QKI: variants seen among roughly 807,000 people sequenced by gnomAD.
The protein encoded by QKI is QKI, KH domain containing RNA binding.
QKI carries 10 observed loss-of-function variants against 39.0 expected under a neutral mutation model. The observed-to-expected ratio is 0.26, with a 90% CI of 0.16 to 0.43. The LOEUF (loss-of-function observed/expected upper bound fraction) is 0.43. Ranked by LOEUF, QKI falls within the 20% of genes least tolerant of loss-of-function variation. QKI has a pLI of 1.00. For synonymous variants in QKI, 204 were observed against 155.4 expected (o/e 1.31, Z -2.33); for missense variants, 218 against 428.0 (o/e 0.51, Z 4.33).
chr6:163,575,723 A>AT lies in QKI; in HGVS notation c.*5019dup, dbSNP rs1562564832. 1 of 152,126 alleles carries AT rather than the reference A, an allele frequency of 6.6e-6. No individual in the cohort carries two copies. Among genetic ancestry groups the AT allele is most frequent in the Non-Finnish European group, 1.5e-5 (1 of 68,024 alleles). The allele number at this position is 152,126 out of a possible 1,614,324, so 9.4% of individuals were successfully genotyped here. ...TTCTAAACACTACATAAGGATCTGAATTTTTTAGTGTGCCAAAAGCAAACG... is the reference window on the plus strand; with the variant it reads ...TTCTAAACACTACATAAGGATCTGAATTTTTTTAGTGTGCCAAAAGCAAACG... On this transcript the variant is annotated 3_prime_UTR_variant, in exon 8 of 8. Transcript: ENST00000361752.
At chr6:163,555,694 A>G (rs1157776248) in intron 4 of QKI, among the ~76,000 whole-genome samples, 1 of 152,098 alleles carries the variant, frequency 6.6e-6, no homozygotes, top group African/African-American at 2.4e-5. Context: ...GCTCATGTAA[A>G]CTGTTCAATG....
chr6:163,516,279 G>C (rs908193878), intron 3 of QKI, among the ~76,000 whole-genome samples: 3 of 151,924 alleles, frequency 2.0e-5, no homozygotes, highest in African/African-American at 7.2e-5. Context: ...AAAATGTAGA[G>C]TTTCTAAAGC....
chr6:163,416,981 C>T (rs769275358), intron 1 of QKI, among the ~76,000 whole-genome samples: 21 of 151,810 alleles, frequency 1.4e-4, no homozygotes, highest in Admixed American at 5.9e-4. Context: ...CTAAGGGGCG[C>T]CAGTTATTTT....
At chr6:163,511,109 A>G (rs1164814646) in intron 3 of QKI, among the ~76,000 whole-genome samples, 1 of 152,156 alleles carries the variant, frequency 6.6e-6, no homozygotes, top group Non-Finnish European at 1.5e-5. Context: ...AATTTCAAGT[A>G]TTTGGAAAGT....
At chr6:163,457,837 T>TA (rs1791039017) in intron 2 of QKI, among the ~76,000 whole-genome samples, 1 of 152,086 alleles carries the variant, frequency 6.6e-6, no homozygotes, top group African/African-American at 2.4e-5. Context: ...TCTATAGCTG[T>TA]AATCAGTGTT....
chr6:163,516,046 T>A (rs1013197964), intron 3 of QKI, among the ~76,000 whole-genome samples: 1 of 152,198 alleles, frequency 6.6e-6, no homozygotes, highest in Non-Finnish European at 1.5e-5. Context: ...AGAATACCTT[T>A]TGATGGGATA....
rs549825542 is a variant in QKI, at chr6:163,455,948, A to G, written c.285+527A>G. Among the ~76,000 whole-genome samples the G allele has an allele frequency of 3.3e-5, 5 of 152,256 alleles. No individual in the cohort carries two copies. The South Asian group carries it at 6.2e-4, about 19-fold the overall frequency. ...TATCTGTTAATTTCTAAATAAATCC[A>G]GATTCTTTGCTTTTTGTTACAAAGC... On this transcript the variant is annotated intron_variant, in intron 2 of 7. Transcript: ENST00000361752.
chr6:163,553,779 G>A (rs1332145117), intron 4 of QKI, among the ~76,000 whole-genome samples: 1 of 152,124 alleles, frequency 6.6e-6, no homozygotes, highest in Non-Finnish European at 1.5e-5. Flanking sequence ...GTTGAAGAGA[G>A]GCAGAACATA....
At chr6:163,480,263 C>T (rs377201597) in intron 3 of QKI, among the ~76,000 whole-genome samples, 75 of 151,734 alleles carry the variant, frequency 4.9e-4, no homozygotes, top group African/African-American at 1.6e-3. Context: ...GTCTCTTTCT[C>T]TCTCTCTCTC....
chr6:163,472,934 AAG>A (rs1228607199), intron 2 of QKI, among the ~76,000 whole-genome samples: 3 of 152,172 alleles, frequency 2.0e-5, no homozygotes, highest in Admixed American at 6.6e-5. Context: ...AAATTGGAAA[AAG>A]AACAGCAGAT....
At chr6:163,510,455 G>C (rs948393415) in intron 3 of QKI, among the ~76,000 whole-genome samples, 7 of 151,228 alleles carry the variant, frequency 4.6e-5, no homozygotes, top group Non-Finnish European at 2.9e-5. Context: ...CAGCTACTTG[G>C]GAGGCTGAGG....
At chr6:163,525,336 CTCTTCTTTCTT>C (rs1223310395) in intron 3 of QKI, among the ~76,000 whole-genome samples, 9 of 147,476 alleles carry the variant, frequency 6.1e-5, no homozygotes, top group Non-Finnish European at 1.2e-4. Flanking sequence ...TCCTCTCTCT[CTCTTCTTTCTT>C]CTTTCCCTCC....
At chr6:163,477,015 G>GTTTTTTTTTTT (rs1421278363) in intron 2 of QKI, among the ~76,000 whole-genome samples, 3 of 78,716 alleles carry the variant, frequency 3.8e-5, no homozygotes, top group Admixed American at 1.6e-4. Flanking sequence ...GTTTTGTTTT[G>GTTTTTTTTTTT]TTTTGTTTTT....
chr6:163,458,228 G>GT (rs1402533166), intron 2 of QKI, among the ~76,000 whole-genome samples: 1 of 152,142 alleles, frequency 6.6e-6, no homozygotes, highest in African/African-American at 2.4e-5. Flanking sequence ...AAGTGATGAT[G>GT]TTTTGTGACT....
chr6:163,562,032 T>A lies in QKI; in HGVS notation c.597T>A (p.Ile199=). The A allele has an allele frequency of 6.2e-7, 1 of 1,613,700 alleles. No individual in the cohort carries two copies. Among genetic ancestry groups the A allele is most frequent in the Non-Finnish European group, 8.5e-7 (1 of 1,179,854 alleles). Residue 199 remains isoleucine, a synonymous_variant, in exon 5 of 8, where the codon ATT becomes ATA. Transcript: ENST00000361752. ...AGATGCAGCTGATGGAGCTTGCGAT[T>A]CTGAATGGCACCTACAGAGATGCCA... ...LKKMQLMELA[I]LNGTYRDANI... is the part of the protein sequence containing the mutation.
At chr6:163,489,249 A>G (rs1014549498) in intron 3 of QKI, among the ~76,000 whole-genome samples, 2 of 151,476 alleles carry the variant, frequency 1.3e-5, no homozygotes, top group African/African-American at 4.9e-5. Flanking sequence ...AGAATTGTAG[A>G]AGCAGGATCG....
Position 163,565,129 on chromosome 6 carries a change from A to T in QKI, c.934+1410A>T, listed in dbSNP as rs1042864889. On this transcript the variant is annotated intron_variant, in intron 6 of 7. Transcript: ENST00000361752. Reference sequence around the variant, plus strand: ...TATAAAGTAATTGCAGGTCAGAATTATACCACAGAACTGTTTATGAGAGGC... The same window carrying T: ...TATAAAGTAATTGCAGGTCAGAATTTTACCACAGAACTGTTTATGAGAGGC... 9 of 1,007,228 alleles carry T rather than the reference A, an allele frequency of 8.9e-6. No homozygotes were observed. In the Admixed American group the frequency reaches 4.8e-4, roughly 54 times the overall value. 62.4% of individuals were successfully genotyped at this position (1,007,228 alleles called of 1,614,324 possible).
chr6:163,487,585 C>T (rs1011775695), intron 3 of QKI, among the ~76,000 whole-genome samples: 4 of 151,790 alleles, frequency 2.6e-5, no homozygotes, highest in Non-Finnish European at 5.9e-5. Flanking sequence ...ATCTCTTAAG[C>T]CACTTCCCAA....
At chr6:163,557,683 T>G (rs111405467) in intron 4 of QKI, among the ~76,000 whole-genome samples, 4,063 of 152,244 alleles carry the variant, frequency 0.027, 98 homozygotes, top group South Asian at 0.035. Context: ...TTGTTTATAA[T>G]ACAAAGAAAG....
Sources: allele counts gnomAD v4.1 joint callset (sites outside exome capture counted in the v4.1 genomes callset), GRCh38; gene constraint gnomAD v4.1.1; transcripts MANE v1.5; gene names NCBI Gene and HGNC (gene_info 2026-07-23, HGNC 2026-07-21).